The following APTX variants were observed in gnomAD, a reference collection of about 807,000 sequenced individuals.
APTX encodes aprataxin.
A neutral mutation model predicts 42.3 loss-of-function variants in APTX; 33 were observed. The ratio of observed to expected loss-of-function variants is 0.78; its 90% CI spans 0.59 to 1.04. The LOEUF (loss-of-function observed/expected upper bound fraction) is 1.04. Ranked by LOEUF, APTX falls within the 50% of genes least tolerant of loss-of-function variation. The pLI is 0.00. For synonymous variants in APTX, 130 were observed against 146.7 expected, an observed-to-expected ratio of 0.89 and a Z score of 0.82; for missense variants, 421 against 415.1, an observed-to-expected ratio of 1.01 and a Z score of -0.12.
At chr9:33,024,303 G>A (rs1324249622) in intron 1 of APTX, among the ~76,000 whole-genome samples, 1 of 152,184 alleles carries the variant, frequency 6.6e-6, no homozygotes, top group Non-Finnish European at 1.5e-5. Flanking sequence ...GTGAGCCACC[G>A]AGCGTGGCAA....
rs572095374 is a variant in APTX at position 32,977,042 on chromosome 9, G to GA, written c.771-2482dup. Among the ~76,000 whole-genome samples the GA allele has an allele frequency of 1.6e-3, 238 of 151,672 alleles. 1 individual carries two copies. The highest frequency in any genetic ancestry group is 5.5e-3 in the African/African-American group (226 of 41,384). ...AATATTTGTAGATACACGCCAATATGAAAAAAAATGTAATTTCCATTTATG... is the reference window on the plus strand; with the variant it reads ...AATATTTGTAGATACACGCCAATATGAAAAAAAAATGTAATTTCCATTTATG... On this transcript the variant is annotated intron_variant, in intron 6 of 7. Coordinates refer to ENST00000379817, the MANE Select transcript of APTX (RefSeq NM_001195248.2).
At position 32,989,857 on chromosome 9, in the gene APTX, C is replaced by T. The variant is rs781480218; in HGVS notation, c.35G>A (p.Ser12Asn). The change falls in exon 2 of 8, where the codon AGC becomes AAC. Residue 12 changes from serine (S) to asparagine (N), a missense_variant. Coordinates refer to ENST00000379817, the MANE Select transcript of APTX (RefSeq NM_001195248.2). ...MRVCWLVRQD[S>N]RHQRIRLPHL... ...TGGAAGTCTGATTCGCTGGTGCCGG[C>T]TGTCCTGTCTCACCAACCAGCACAC... 4.3e-5 allele frequency: 70 copies of T among 1,614,250 alleles called. No individual in the cohort carries two copies. The highest frequency in any genetic ancestry group is 5.9e-5 in the Non-Finnish European group (70 of 1,180,040).
intron 2 of APTX, among the ~76,000 whole-genome samples, chr9:32,989,015 C>T (rs1832890423): frequency 6.6e-6 from 1 of 152,122 alleles, no homozygotes; most frequent in Non-Finnish European, 1.5e-5. Context: ...ATAGCTGCTC[C>T]CCAGAGAGGA....
At chr9:32,973,711 C>CAAA in intron 7 of APTX, 59 bp from the exon 8 acceptor site, 8 of 1,331,598 alleles carry the variant, frequency 6.0e-6, no homozygotes, top group South Asian at 2.6e-5. Flanking sequence ...TATGAGATAC[C>CAAA]AAAAAAAAAA....
upstream of APTX, among the ~76,000 whole-genome samples, chr9:33,005,428 G>GT (rs1362425153): frequency 1.2e-4 from 18 of 151,632 alleles, no homozygotes; most frequent in Middle Eastern, 3.4e-3. Flanking sequence ...TTATTTTTTT[G>GT]TTTTTTGTTT....
intron 6 of APTX, among the ~76,000 whole-genome samples, chr9:32,981,520 C>G (rs1830668087): frequency 6.6e-6 from 1 of 152,170 alleles, no homozygotes; most frequent in Non-Finnish European, 1.5e-5. Flanking sequence ...TCAACCACTT[C>G]TCTCACAGAA....
chr9:32,998,487 T>C (rs900638799), intron 1 of APTX, among the ~76,000 whole-genome samples: 1 of 152,128 alleles, frequency 6.6e-6, no homozygotes, highest in Admixed American at 6.6e-5. Flanking sequence ...CCATCAATGA[T>C]AGACTGGATA....
intron 1 of APTX, among the ~76,000 whole-genome samples, chr9:33,022,144 T>C (rs1276542324): frequency 2.6e-5 from 4 of 151,960 alleles, no homozygotes; most frequent in African/African-American, 9.7e-5. Context: ...CCGAAAAATA[T>C]ATATATAGAT....
intron 6 of APTX, chr9:32,980,562 T>C (rs74824067): frequency 0.076 from 11,578 of 152,346 alleles, 538 homozygotes; most frequent in Non-Finnish European, 0.11. Context: ...CTGATTTACA[T>C]GTTTAAAAGA....
chr9:32,973,552 C>T lies in APTX; in HGVS notation c.975G>A (p.Leu325=). ...LPLRCHECQQ[L]LPSIPQLKEH... is the part of the protein sequence containing the mutation. ...CTTTCAGCTGAGGAATGGAAGGCAG[C>T]AGCTGCTGGCACTCATGACAACGAA... Residue 325 remains leucine, a synonymous_variant, in exon 8 of 8, where the codon CTG becomes CTA. Coordinates refer to ENST00000379817, the MANE Select transcript of APTX (RefSeq NM_001195248.2). 3.7e-6 allele frequency: 6 copies of T among 1,614,088 alleles called. No individual in the cohort carries two copies. Among genetic ancestry groups the T allele is most frequent in the Non-Finnish European group, 5.1e-6 (6 of 1,180,020 alleles).
chr9:32,973,728 A>G (rs1828625684), intron 7 of APTX, 76 bp from the exon 8 acceptor site: 1 of 1,485,570 alleles, frequency 6.7e-7, no homozygotes, highest in Non-Finnish European at 9.3e-7. Context: ...AAAAAAAAAA[A>G]ATCAAAAACG....
chr9:32,989,931 G>C, intron 1 of APTX, 36 bp from the exon 2 acceptor site: 1 of 1,601,480 alleles, frequency 6.2e-7, no homozygotes, highest in Non-Finnish European at 8.5e-7. Flanking sequence ...TAGAAAAACA[G>C]ATCCACTAGC....
At chr9:33,009,586 C>A (rs896588648) in intron 1 of APTX, among the ~76,000 whole-genome samples, 3 of 152,162 alleles carry the variant, frequency 2.0e-5, no homozygotes, top group African/African-American at 4.8e-5. Context: ...TGAGACCAGG[C>A]TGGGCAACAA....
intron 1 of APTX, among the ~76,000 whole-genome samples, chr9:33,018,077 C>G (rs1032350446): frequency 2.5e-4 from 38 of 151,808 alleles, no homozygotes; most frequent in Non-Finnish European, 3.8e-4. Flanking sequence ...GACCTCTGGC[C>G]AGGAGTCAGA....
intron 4 of APTX, among the ~76,000 whole-genome samples, chr9:32,987,062 C>T (rs1034521570): frequency 1.3e-5 from 2 of 151,482 alleles, no homozygotes; most frequent in Non-Finnish European, 2.9e-5. Flanking sequence ...GATCTGCCCA[C>T]CTCGGCCTCC....
At chr9:33,001,524 T>C (rs748197098) in intron 1 of APTX, 43 bp downstream of exon 1, 18 of 1,612,936 alleles carry the variant, frequency 1.1e-5, no homozygotes, top group East Asian at 6.7e-5. Flanking sequence ...ACCCGCGGCA[T>C]TGAGCCCAGC....
In APTX at chr9:32,987,571, C is replaced by T; in HGVS notation, c.456G>A (p.Lys152=). ...SNSGQCSVPL[K]KGKDAPIKKE... ...TTTTGATAGGTGCATCTTTTCCCTT[C>T]TTTAGGGGCACAGAGCATTGGCCAG... The change falls in exon 4 of 8, where the codon AAG becomes AAA. Residue 152 remains lysine (K), a synonymous_variant. Coordinates refer to ENST00000379817, the MANE Select transcript of APTX (RefSeq NM_001195248.2). 6.2e-7 allele frequency: 1 copy of T among 1,614,030 alleles called. No individual in the cohort carries two copies. The highest frequency in any genetic ancestry group is 8.5e-7 in the Non-Finnish European group (1 of 1,180,038).
chr9:32,983,111 A>AT (rs1385025299), intron 6 of APTX, among the ~76,000 whole-genome samples: 1 of 151,942 alleles, frequency 6.6e-6, no homozygotes, highest in Non-Finnish European at 1.5e-5. Flanking sequence ...AATTTTTTGT[A>AT]TTTTTTGTAG....
At chr9:32,992,941 T>C (rs1833974827) in intron 1 of APTX, among the ~76,000 whole-genome samples, 1 of 152,196 alleles carries the variant, frequency 6.6e-6, no homozygotes, top group African/African-American at 2.4e-5. Flanking sequence ...TTAAATGCTA[T>C]GCGTTCCAAG....
Sources: allele counts gnomAD v4.1 joint callset (sites outside exome capture counted in the v4.1 genomes callset), GRCh38; gene constraint gnomAD v4.1.1; transcripts MANE v1.5; gene names NCBI Gene and HGNC (gene_info 2026-07-23, HGNC 2026-07-21).